The following POU2F2 variants were observed in gnomAD, a reference collection of about 807,000 sequenced individuals.
The protein encoded by POU2F2 is POU class 2 homeobox 2.
In POU2F2, 14 loss-of-function variants were observed where a neutral mutation model predicts 63.5. The ratio of observed to expected loss-of-function variants is 0.22; its 90% CI spans 0.15 to 0.34. The LOEUF (loss-of-function observed/expected upper bound fraction) is 0.34, where lower values mean the gene tolerates loss of function less well. POU2F2 is among the 10% of genes least tolerant of loss of function. POU2F2 has a pLI of 1.00. For missense variants in POU2F2, 607 were observed against 815.2 expected, an observed-to-expected ratio of 0.74 and a Z score of 3.11; for synonymous variants, 306 against 348.6, an observed-to-expected ratio of 0.88 and a Z score of 1.36.
At chr19:42,151,183 C>T (rs1022687856) in intron 2 of POU2F2, among the ~76,000 whole-genome samples, 8 of 152,244 alleles carry the variant, frequency 5.3e-5, no homozygotes, top group South Asian at 4.1e-4. Context: ...GGTCAGGCCA[C>T]GTCCCCTCAG....
intron 5 of POU2F2, among the ~76,000 whole-genome samples, chr19:42,103,792 C>G (rs568130213): frequency 6.6e-6 from 1 of 152,144 alleles, no homozygotes; most frequent in South Asian, 2.1e-4. Context: ...GCCACCACGC[C>G]TGGCTAATTT....
At chr19:42,166,901 C>CAGGTGATATATTGGGCAAGT (rs1160723902) in intron 1 of POU2F2, among the ~76,000 whole-genome samples, 3 of 151,996 alleles carry the variant, frequency 2.0e-5, no homozygotes, top group Admixed American at 1.3e-4. Context: ...ATTGGGCAAG[C>CAGGTGATATATTGGGCAAGT]AGGTGATATA....
chr19:42,158,741 A>G (rs1447065067), intron 2 of POU2F2, among the ~76,000 whole-genome samples: 1 of 152,240 alleles, frequency 6.6e-6, no homozygotes, highest in Non-Finnish European at 1.5e-5. Flanking sequence ...AATTGAAATC[A>G]TAGACCTAAC....
At chr19:42,131,307 C>A (rs1405371698) in intron 1 of POU2F2, among the ~76,000 whole-genome samples, 1 of 152,080 alleles carries the variant, frequency 6.6e-6, no homozygotes, top group Non-Finnish European at 1.5e-5. Context: ...CACTGTACTT[C>A]CAACACCCAA....
rs571589563 is a variant in POU2F2 at position 42,119,232 on chromosome 19, G to C, written c.187-1800C>G. Among the ~76,000 whole-genome samples the C allele has an allele frequency of 3.1e-4, 47 of 152,214 alleles. 1 individual carries two copies. Among genetic ancestry groups the C allele is most frequent in the African/African-American group, 1.1e-3 (44 of 41,526 alleles). On this transcript the variant is annotated intron_variant, in intron 4 of 14. Coordinates refer to ENST00000692977, the MANE Select transcript of POU2F2 (RefSeq NM_001394376.1). ...CAGGGTAGCAGCTATCCCTGGCAGGGGCATTAAGGGCCTCTGGAAGGCTGG... is the reference window on the plus strand; with the variant it reads ...CAGGGTAGCAGCTATCCCTGGCAGGCGCATTAAGGGCCTCTGGAAGGCTGG...
chr19:42,109,386 G>A (rs1397694543), intron 5 of POU2F2, among the ~76,000 whole-genome samples: 3 of 152,272 alleles, frequency 2.0e-5, no homozygotes, highest in Admixed American at 2.0e-4. Flanking sequence ...GACCAGCTCT[G>A]GATCTTCCCT....
At chr19:42,188,905 G>GGA (rs2035044897) in intron 1 of POU2F2, among the ~76,000 whole-genome samples, 2 of 86,154 alleles carry the variant, frequency 2.3e-5, no homozygotes, top group Admixed American at 1.3e-4. Context: ...GAAGAGAAGA[G>GGA]AGGAAGGAAG....
In POU2F2 at chr19:42,112,677, C is replaced by T. The variant is rs894765623; in HGVS notation, c.369+4573G>A. On this transcript the variant is annotated intron_variant, in intron 5 of 14. Coordinates refer to ENST00000692977, the MANE Select transcript of POU2F2 (RefSeq NM_001394376.1). ...GAGCCACCCTGCCCGGCCCAGGGGA[C>T]GTATTTTATCTCCCTGGGCAGGATA... Among the ~76,000 whole-genome samples the T allele has an allele frequency of 3.3e-5, 5 of 152,198 alleles. No individual in the cohort carries two copies. In the South Asian group the frequency reaches 6.2e-4, roughly 19 times the overall value.
At chr19:42,183,209 G>A (rs1399149699) in intron 1 of POU2F2, among the ~76,000 whole-genome samples, 1 of 152,172 alleles carries the variant, frequency 6.6e-6, no homozygotes, top group African/African-American at 2.4e-5. Context: ...ATGCAAATGA[G>A]ACACAACTCT....
chr19:42,114,747 A>C (rs1600086618), intron 5 of POU2F2, among the ~76,000 whole-genome samples: 1 of 152,172 alleles, frequency 6.6e-6, no homozygotes, highest in East Asian at 1.9e-4. Flanking sequence ...AGCTGTGGGG[A>C]GGATTCATGG....
intron 4 of POU2F2, among the ~76,000 whole-genome samples, chr19:42,120,491 A>G (rs2032478453): frequency 6.6e-6 from 1 of 152,184 alleles, no homozygotes; most frequent in Non-Finnish European, 1.5e-5. Flanking sequence ...AACTGTTGGG[A>G]ATACAGGCAT....
chr19:42,165,142 A>G (rs890056382), intron 1 of POU2F2, among the ~76,000 whole-genome samples: 6 of 152,170 alleles, frequency 3.9e-5, no homozygotes, highest in Admixed American at 2.0e-4. Flanking sequence ...AGGCACCTCT[A>G]GTGCTGTTTC....
In POU2F2 at chr19:42,095,781, GT is replaced by G. The variant is rs1184314523; in HGVS notation, c.871+6del. 3.7e-6 allele frequency: 6 copies of G among 1,613,846 alleles called. No individual in the cohort carries two copies. The highest frequency in any genetic ancestry group is 5.1e-6 in the Non-Finnish European group (6 of 1,179,932). On this transcript the variant is annotated splice_donor_region_variant and intron_variant, in intron 9 of 14. Transcript: ENST00000692977. This position sits in a 1 kb window ranked among gnomAD's most constrained non-coding sequence, Gnocchi z 7.1. ...CCCCCTACGCGGGAACCCCAGCCTG[GT>G]CCCACCTGCATCGTTGAGCCACTTC...
intron 1 of POU2F2, among the ~76,000 whole-genome samples, chr19:42,164,570 C>CAA (rs561131790): frequency 2.0e-4 from 23 of 112,804 alleles, no homozygotes; most frequent in Admixed American, 5.5e-4. Flanking sequence ...GACTCTGTCT[C>CAA]AAAAAAAAAA....
At chr19:42,119,403 G>C (rs771454739) in intron 4 of POU2F2, among the ~76,000 whole-genome samples, 2 of 152,156 alleles carry the variant, frequency 1.3e-5, no homozygotes, top group African/African-American at 4.8e-5. Flanking sequence ...GGCTGAGCGC[G>C]GTGGCTCGCC....
intron 2 of POU2F2, among the ~76,000 whole-genome samples, chr19:42,159,895 T>C (rs1411677105): frequency 6.6e-6 from 1 of 152,220 alleles, no homozygotes; most frequent in Non-Finnish European, 1.5e-5. Flanking sequence ...CTCTTCTTCC[T>C]CTATCTCCTT....
At chr19:42,108,504 G>A (rs1016890869) in intron 5 of POU2F2, among the ~76,000 whole-genome samples, 6 of 152,154 alleles carry the variant, frequency 3.9e-5, no homozygotes, top group African/African-American at 1.4e-4. Context: ...GACCCTGGGA[G>A]GTCAAGGCTG....
chr19:42,176,825 G>A (rs574965377), upstream of POU2F2, among the ~76,000 whole-genome samples: 14 of 151,822 alleles, frequency 9.2e-5, no homozygotes, highest in African/African-American at 2.9e-4. Context: ...GCTGACAGCC[G>A]GAGCGCGGTG....
At chr19:42,161,845 C>T (rs1298145764) in intron 1 of POU2F2, among the ~76,000 whole-genome samples, 1 of 152,172 alleles carries the variant, frequency 6.6e-6, no homozygotes, top group Admixed American at 6.5e-5. Flanking sequence ...CCCCAGCCCC[C>T]GCCCTGGAGC....
Sources: allele counts gnomAD v4.1 joint callset (sites outside exome capture counted in the v4.1 genomes callset), GRCh38; gene constraint gnomAD v4.1.1; non-coding constraint Gnocchi (gnomAD v3.1); transcripts MANE v1.5; gene names NCBI Gene and HGNC (gene_info 2026-07-23, HGNC 2026-07-21).